CLDN10: variants seen among roughly 807,000 people sequenced by gnomAD.
The protein encoded by CLDN10 is claudin-10.
In CLDN10, 15 loss-of-function variants were observed where a neutral mutation model predicts 22.9. The ratio of observed to expected loss-of-function variants is 0.65; its 90% CI spans 0.44 to 1.01. The LOEUF is 1.01. Among genes scored for constraint, CLDN10 ranks in the 50% least tolerant of loss-of-function variants. CLDN10 has a pLI of 0.00. For synonymous variants in CLDN10, 114 were observed against 111.4 expected (o/e 1.02, Z -0.15); for missense variants, 247 against 287.8 (o/e 0.86, Z 1.03).
chr13:95,529,815 A>G (rs1461910483), intron 1 of CLDN10, among the ~76,000 whole-genome samples: 2 of 151,580 alleles, frequency 1.3e-5, no homozygotes, highest in Non-Finnish European at 2.9e-5. Flanking sequence ...TAAGATTGTT[A>G]TTTCTTGGGT....
chr13:95,515,605 G>A (rs1165844413), intron 1 of CLDN10, among the ~76,000 whole-genome samples: 1 of 152,158 alleles, frequency 6.6e-6, no homozygotes, highest in Non-Finnish European at 1.5e-5. Flanking sequence ...AAGAGAAACT[G>A]TGGTCACTGA....
At chr13:95,559,944 T>G (rs2043683334) in intron 1 of CLDN10, among the ~76,000 whole-genome samples, 188 bp from the exon 2 acceptor site, 1 of 152,208 alleles carries the variant, frequency 6.6e-6, no homozygotes, top group South Asian at 2.1e-4. Context: ...CACTTCACAG[T>G]GTGTGACCTA....
At chr13:95,497,755 C>T (rs1260061095) in intron 1 of CLDN10, among the ~76,000 whole-genome samples, 2 of 152,144 alleles carry the variant, frequency 1.3e-5, no homozygotes, top group African/African-American at 4.8e-5. Flanking sequence ...CTGTTCAGCA[C>T]TTTTGCAGCC....
chr13:95,521,746 A>G (rs1703423833), intron 1 of CLDN10, among the ~76,000 whole-genome samples: 2 of 152,086 alleles, frequency 1.3e-5, no homozygotes, highest in African/African-American at 4.8e-5. Flanking sequence ...TTCTTTAAAT[A>G]TTTGGTAGTT....
intron 1 of CLDN10, among the ~76,000 whole-genome samples, chr13:95,517,659 G>T (rs2043183627): frequency 6.6e-6 from 1 of 152,146 alleles, no homozygotes; most frequent in Non-Finnish European, 1.5e-5. Context: ...ACTGAGGTCG[G>T]GCGCGGTGGC....
intron 1 of CLDN10, among the ~76,000 whole-genome samples, chr13:95,489,977 CT>C (rs1785893456): frequency 6.6e-6 from 1 of 152,184 alleles, no homozygotes; most frequent in Non-Finnish European, 1.5e-5. Flanking sequence ...AAATGATGTC[CT>C]TTCCCCCAGT....
At chr13:95,507,956 C>T (rs1023904450) in intron 1 of CLDN10, among the ~76,000 whole-genome samples, 6 of 151,868 alleles carry the variant, frequency 4.0e-5, no homozygotes, top group East Asian at 1.9e-4. Flanking sequence ...GATGTGGTGT[C>T]GTATGCCGGT....
intron 1 of CLDN10, among the ~76,000 whole-genome samples, chr13:95,542,676 G>A (rs1025701677): frequency 4.6e-5 from 7 of 151,708 alleles, no homozygotes; most frequent in Admixed American, 6.6e-5. Flanking sequence ...GCATGGTGGC[G>A]CACGCCTGTA....
At chr13:95,531,172 C>T (rs1479454073) in intron 1 of CLDN10, among the ~76,000 whole-genome samples, 2 of 152,072 alleles carry the variant, frequency 1.3e-5, no homozygotes, top group African/African-American at 4.8e-5. Context: ...CCCGCCTCAG[C>T]CTCCCATAGT....
intron 1 of CLDN10, among the ~76,000 whole-genome samples, chr13:95,452,122 G>A (rs372204855): frequency 1.0e-3 from 156 of 152,172 alleles, no homozygotes; most frequent in Middle Eastern, 3.4e-3. Context: ...TATTATCAAA[G>A]CTACCAATTG....
At chr13:95,554,056 A>G (rs944457418) in intron 1 of CLDN10, among the ~76,000 whole-genome samples, 92 of 152,264 alleles carry the variant, frequency 6.0e-4, no homozygotes, top group African/African-American at 2.1e-3. Flanking sequence ...TTCCTCTAAG[A>G]TGGGGTTTGC....
intron 1 of CLDN10, among the ~76,000 whole-genome samples, chr13:95,488,144 C>A (rs1413413730): frequency 6.6e-6 from 1 of 150,912 alleles, no homozygotes; most frequent in Non-Finnish European, 1.5e-5. Context: ...GCCACCATGT[C>A]CGGCTAATTT....
intron 1 of CLDN10, among the ~76,000 whole-genome samples, chr13:95,486,788 C>T (rs948987040): frequency 1.3e-5 from 2 of 152,144 alleles, no homozygotes; most frequent in Non-Finnish European, 2.9e-5. Context: ...TGTGCATGTG[C>T]CTCCACCTGG....
rs57359573 is a variant in CLDN10, at chr13:95,512,121, C to CTTTTTTTTTTT, written c.215-48002_215-48001insTTTTTTTTTTT. ...TCATCTCAGACAAAGATCGTCTCTC[C>CTTTTTTTTTTT]TTTTTTTTTGGTTTTTGTTTGTTTG... On this transcript the variant is annotated intron_variant, in intron 1 of 4. Transcript: ENST00000376873. Among the ~76,000 whole-genome samples, 89 of 10,496 alleles carry CTTTTTTTTTTT rather than the reference C, an allele frequency of 8.5e-3. 22 individuals carry two copies. Among genetic ancestry groups the CTTTTTTTTTTT allele is most frequent in the East Asian group, 0.036 (6 of 166 alleles). 6.9% of individuals were successfully genotyped at this position (10,496 alleles called of 152,430 possible). A position where few individuals can be genotyped will look rare whatever the true frequency, so the allele number is the denominator to read the frequency against.
chr13:95,560,211 A>G lies in CLDN10; in HGVS notation c.300A>G (p.Gly100=), dbSNP rs1366851346. ...TTGGTTCCATATTTGCGCTCTTTGGAATGAAGTGTACCAAAGTCGGAGGCT... is the reference window on the plus strand; with the variant it reads ...TTGGTTCCATATTTGCGCTCTTTGGGATGAAGTGTACCAAAGTCGGAGGCT... ...GFFGSIFALF[G]MKCTKVGGSD... The change falls in exon 2 of 5, where the codon GGA becomes GGG. Residue 100 remains glycine, a synonymous_variant. Coordinates refer to ENST00000299339, the MANE Select transcript of CLDN10 (RefSeq NM_006984.5). 1 of 1,614,140 alleles carries G rather than the reference A, an allele frequency of 6.2e-7. No individual in the cohort carries two copies.
chr13:95,461,699 C>T (rs2042537729), intron 1 of CLDN10, among the ~76,000 whole-genome samples: 1 of 152,232 alleles, frequency 6.6e-6, no homozygotes, highest in Admixed American at 6.5e-5. Flanking sequence ...TTCCTGATGA[C>T]AGTTCTGCTT....
chr13:95,442,316 T>G (rs2042331824), intron 1 of CLDN10, among the ~76,000 whole-genome samples: 1 of 152,216 alleles, frequency 6.6e-6, no homozygotes, highest in African/African-American at 2.4e-5. Flanking sequence ...TCTACCCATT[T>G]GTTTCCAACC....
At chr13:95,569,352 C>T (rs112608779) in intron 3 of CLDN10, among the ~76,000 whole-genome samples, 10,794 of 152,062 alleles carry the variant, frequency 0.071, 541 homozygotes, top group Non-Finnish European at 0.11. Flanking sequence ...GGGAGGCCAA[C>T]GTGGGTGGAT....
intron 1 of CLDN10, among the ~76,000 whole-genome samples, chr13:95,512,452 A>G (rs982497934): frequency 6.6e-6 from 1 of 152,132 alleles, no homozygotes; most frequent in East Asian, 1.9e-4. Flanking sequence ...TTTTCGATGT[A>G]AATGTGAGCA....
Sources: allele counts gnomAD v4.1 joint callset (sites outside exome capture counted in the v4.1 genomes callset), GRCh38; gene constraint gnomAD v4.1.1; transcripts MANE v1.5; gene names NCBI Gene and HGNC (gene_info 2026-07-23, HGNC 2026-07-21).